TFCP2L1: variants seen among roughly 807,000 people sequenced by gnomAD.
The protein encoded by TFCP2L1 is transcription factor CP2-like protein 1.
Under a neutral mutation model 72.2 loss-of-function variants are expected in TFCP2L1, and 12 were observed. The ratio of observed to expected loss-of-function variants is 0.17; its 90% confidence interval spans 0.11 to 0.27. TFCP2L1 has a LOEUF of 0.27. Among genes scored for constraint, TFCP2L1 ranks in the 10% least tolerant of loss-of-function variants. The probability of loss-of-function intolerance (pLI) is 1.00; values close to 1 mark genes in which losing one functional copy is unlikely to be tolerated. For synonymous variants in TFCP2L1, 260 were observed against 251.0 expected, an observed-to-expected ratio of 1.04 and a Z score of -0.34; for missense variants, 488 against 624.6, an observed-to-expected ratio of 0.78 and a Z score of 2.33.
At chr2:121,261,366 A>G (rs1686827161) in intron 2 of TFCP2L1, among the ~76,000 whole-genome samples, 1 of 152,166 alleles carries the variant, frequency 6.6e-6, no homozygotes, top group South Asian at 2.1e-4. Context: ...AGAATACAAG[A>G]TGAGACTTAA....
At position 121,231,888 on chromosome 2, in the gene TFCP2L1, G is replaced by T; in HGVS notation, c.1279C>A (p.Gln427Lys). The change falls in exon 13 of 15, where the codon CAG (glutamine) becomes AAG (lysine). Residue 427 changes from glutamine to lysine, a missense_variant. This residue lies in a region of TFCP2L1 where 286 missense variants were observed against 329.0 expected (regional missense o/e 0.87). Transcript: ENST00000263707. The part of the protein sequence containing the change: ...KIANLYSISP[Q>K]HIHRVYRQGP... ...TGCCGGTAGACTCGGTGGATGTGCT[G>T]GGGGGAGATGCTGTACAGGTTGGCG... 1.2e-6 allele frequency: 2 copies of T among 1,613,230 alleles called. No homozygotes were observed. Among genetic ancestry groups the T allele is most frequent in the Non-Finnish European group, 1.7e-6 (2 of 1,179,562 alleles).
Position 121,231,967 on chromosome 2 carries a change from C to T in TFCP2L1, c.1200G>A (p.Val400=). ...RDGSGDSNLS[V]YHAIFLEELT... ...GCTCTTCCAGGAAGATGGCGTGGTA[C>T]ACTGGGGGAAGGAGGAGCAAGTGCT... is the stretch of plus-strand genomic sequence containing the variant. The change falls in exon 13 of 15, where the codon GTG becomes GTA. Residue 400 remains valine (V), a splice_region_variant and synonymous_variant. Coordinates refer to ENST00000263707, the MANE Select transcript of TFCP2L1 (RefSeq NM_014553.3). 1 of 1,591,364 alleles carries T rather than the reference C, an allele frequency of 6.3e-7. No individual in the cohort carries two copies. Among genetic ancestry groups the T allele is most frequent in the Non-Finnish European group, 8.6e-7 (1 of 1,165,498 alleles).
chr2:121,284,785 T>G (rs1403440449), intron 1 of TFCP2L1, among the ~76,000 whole-genome samples: 1 of 152,132 alleles, frequency 6.6e-6, no homozygotes, highest in Non-Finnish European at 1.5e-5. Flanking sequence ...GCACCCTCTC[T>G]GCCGCCTGGG....
intron 2 of TFCP2L1, among the ~76,000 whole-genome samples, chr2:121,265,562 C>A (rs966178603): frequency 1.6e-4 from 25 of 151,844 alleles, no homozygotes; most frequent in African/African-American, 6.1e-4. Context: ...CGGCTCATCA[C>A]AACCTCCACC....
intron 2 of TFCP2L1, among the ~76,000 whole-genome samples, chr2:121,259,594 A>G (rs1686794549): frequency 6.6e-6 from 1 of 152,230 alleles, no homozygotes; most frequent in Non-Finnish European, 1.5e-5. Flanking sequence ...GAAGTTAAAA[A>G]ATAATTTTAA....
chr2:121,262,353 T>C (rs747732149), intron 2 of TFCP2L1, among the ~76,000 whole-genome samples: 63 of 152,004 alleles, frequency 4.1e-4, no homozygotes, highest in Non-Finnish European at 6.5e-4. Context: ...TAACCCTAGC[T>C]ACTCGGGAGG....
At chr2:121,271,738 A>T (rs1408476335) in intron 2 of TFCP2L1, among the ~76,000 whole-genome samples, 4 of 152,180 alleles carry the variant, frequency 2.6e-5, no homozygotes, top group Non-Finnish European at 5.9e-5. Context: ...AAATGAGGAA[A>T]CTCGGGCTCC....
intron 10 of TFCP2L1, among the ~76,000 whole-genome samples, chr2:121,236,248 G>A (rs1331926134): frequency 2.0e-5 from 3 of 152,160 alleles, no homozygotes; most frequent in African/African-American, 7.2e-5. Context: ...CAAGGTGCGT[G>A]TCTGCCGGGT....
At chr2:121,263,493 A>AGG (rs758658430) in intron 2 of TFCP2L1, among the ~76,000 whole-genome samples, 67 of 134,610 alleles carry the variant, frequency 5.0e-4, no homozygotes, top group African/African-American at 1.8e-3. Flanking sequence ...AAAAAAAAAA[A>AGG]GGGCATACAA....
At chr2:121,256,195 G>A (rs866725130) in intron 2 of TFCP2L1, among the ~76,000 whole-genome samples, 17 of 152,124 alleles carry the variant, frequency 1.1e-4, no homozygotes, top group South Asian at 4.1e-4. Context: ...TAACCATGCC[G>A]TGGCATAAAA....
chr2:121,232,623 C>A (rs1289516363), intron 12 of TFCP2L1, among the ~76,000 whole-genome samples: 1 of 152,184 alleles, frequency 6.6e-6, no homozygotes, highest in Non-Finnish European at 1.5e-5. Context: ...CTTTTCAGCT[C>A]TTTTTGCTGT....
intron 3 of TFCP2L1, 118 bp from the exon 4 acceptor site, chr2:121,249,205 C>A (rs376453175): frequency 2.7e-6 from 2 of 736,072 alleles, no homozygotes; most frequent in South Asian, 2.0e-5. Flanking sequence ...CTGGGGCTTC[C>A]TTTCCCAGTT....
At chr2:121,269,778 G>A (rs1298975405) in intron 2 of TFCP2L1, among the ~76,000 whole-genome samples, 2 of 151,654 alleles carry the variant, frequency 1.3e-5, no homozygotes, top group Admixed American at 6.6e-5. Context: ...GCGTGGTAGT[G>A]GACACCTGTA....
chr2:121,249,098 A>AG lies in TFCP2L1; in HGVS notation c.292-12dup, dbSNP rs1277619290. The AG allele has an allele frequency of 1.9e-6, 3 of 1,545,206 alleles. No homozygotes were observed. The Admixed American group carries it at 6.0e-5, about 31-fold the overall frequency. On this transcript the variant is annotated splice_polypyrimidine_tract_variant and intron_variant, in intron 3 of 14. Transcript: ENST00000263707. ...CACACGGATGATGCTCTGGGGAGGG[A>AG]GGCCAGCAGGGAAACAAGTGACCGC...
intron 2 of TFCP2L1, among the ~76,000 whole-genome samples, chr2:121,261,756 G>C (rs993813836): frequency 2.0e-5 from 3 of 152,116 alleles, no homozygotes; most frequent in African/African-American, 4.8e-5. Context: ...AGGGTAAACA[G>C]TCTCCAAGTC....
intron 14 of TFCP2L1, among the ~76,000 whole-genome samples, chr2:121,224,663 A>AT (rs1685987205): frequency 6.6e-6 from 1 of 152,132 alleles, no homozygotes; most frequent in Admixed American, 6.5e-5. Flanking sequence ...GTTCTCAGGG[A>AT]TATTATGGCC....
chr2:121,269,779 G>A (rs1687006706), intron 2 of TFCP2L1, among the ~76,000 whole-genome samples: 1 of 151,452 alleles, frequency 6.6e-6, no homozygotes, highest in South Asian at 2.1e-4. Flanking sequence ...CGTGGTAGTG[G>A]ACACCTGTAA....
intron 2 of TFCP2L1, among the ~76,000 whole-genome samples, chr2:121,261,348 G>A (rs1353770718): frequency 6.6e-6 from 1 of 152,134 alleles, no homozygotes; most frequent in Admixed American, 6.5e-5. Context: ...TACAGAGCTG[G>A]GGCAGGCAGA....
intron 8 of TFCP2L1, among the ~76,000 whole-genome samples, chr2:121,238,935 T>A (rs946759090): frequency 6.6e-6 from 1 of 151,884 alleles, no homozygotes; most frequent in African/African-American, 2.4e-5. Flanking sequence ...ACAGGCAGCC[T>A]CCCACCCACT....
Sources: gnomAD v4.1 joint callset for allele counts (sites outside exome capture counted in the v4.1 genomes callset) on GRCh38, gnomAD v4.1.1 for gene constraint, gnomAD v4.1.1 regional missense constraint, MANE v1.5 for transcripts, NCBI Gene and HGNC (gene_info 2026-07-23, HGNC 2026-07-21) for gene names.